PIWIL2: variants seen among roughly 807,000 people sequenced by gnomAD.
The protein encoded by PIWIL2 is piwi-like protein 2.
Under a neutral mutation model 116.5 loss-of-function variants are expected in PIWIL2, and 81 were observed. The ratio of observed to expected loss-of-function variants is 0.70; its 90% CI spans 0.58 to 0.84. PIWIL2 has a LOEUF of 0.84. Ranked by LOEUF, PIWIL2 falls within the 40% of genes least tolerant of loss-of-function variation. PIWIL2 has a pLI of 0.00. For missense variants in PIWIL2, 1,272 were observed against 1,212.3 expected, an observed-to-expected ratio of 1.05 and a Z score of -0.73; for synonymous variants, 489 against 429.5, an observed-to-expected ratio of 1.14 and a Z score of -1.71.
chr8:22,281,324 T>C (rs1830494452), intron 3 of PIWIL2, 53 bp from the exon 4 acceptor site: 2 of 1,576,202 alleles, frequency 1.3e-6, no homozygotes, highest in African/African-American at 1.4e-5. Context: ...AAAACTATAC[T>C]TTAAAACACG....
chr8:22,298,521 G>A (rs1830968172), intron 10 of PIWIL2, among the ~76,000 whole-genome samples: 1 of 152,196 alleles, frequency 6.6e-6, no homozygotes, highest in African/African-American at 2.4e-5. Flanking sequence ...TCAGATGGTT[G>A]TTGGGATTGA....
chr8:22,297,069 G>A (rs1328430630), intron 10 of PIWIL2, among the ~76,000 whole-genome samples: 1 of 151,768 alleles, frequency 6.6e-6, no homozygotes, highest in Non-Finnish European at 1.5e-5. Context: ...ACTCACTGCA[G>A]CCTCAAACTC....
chr8:22,355,275 CTATTG>C lies in PIWIL2; in HGVS notation c.2766-63_2766-59del, dbSNP rs1018098859. On this transcript the variant is annotated intron_variant, in intron 22 of 22. Coordinates refer to ENST00000356766, the MANE Select transcript of PIWIL2 (RefSeq NM_018068.5). The stretch of plus-strand genomic sequence containing the variant: ...TGTGCTCTGTGTCATATCCCCGTGA[CTATTG>C]TATTGTATTGCATGCCACAAATTGA... 46 of 1,444,804 alleles carry C rather than the reference CTATTG, an allele frequency of 3.2e-5. 1 individual carries two copies. In the African/African-American group the frequency reaches 4.6e-4, roughly 14 times the overall value. The allele number at this position is 1,444,804 out of a possible 1,614,324, so 89.5% of individuals were successfully genotyped here.
chr8:22,303,544 G>A (rs956820604), intron 10 of PIWIL2, among the ~76,000 whole-genome samples: 2 of 151,914 alleles, frequency 1.3e-5, no homozygotes, highest in African/African-American at 2.4e-5. Context: ...TACAAGGTAC[G>A]CCACTACACC....
intron 20 of PIWIL2, among the ~76,000 whole-genome samples, chr8:22,346,907 C>T (rs1411566475): frequency 6.6e-6 from 1 of 151,862 alleles, no homozygotes; most frequent in Middle Eastern, 3.2e-3. Context: ...TGGGCATAGC[C>T]GCTCGTGGCT....
At chr8:22,296,579 A>T (rs1830912735) in intron 10 of PIWIL2, among the ~76,000 whole-genome samples, 1 of 152,208 alleles carries the variant, frequency 6.6e-6, no homozygotes, top group African/African-American at 2.4e-5. Context: ...GTTTGGAGAT[A>T]CTTTACCCTG....
In PIWIL2 at chr8:22,311,118, A is replaced by T; in HGVS notation, c.1807A>T (p.Met603Leu). ...AGCTCTTGGTTGTTCCTAGATCCCC[A>T]TGCATTTCTGGGCACTTTTTTACCC... ...TRDPSILTIPMHFWALFYPKR... is the reference protein window; with the variant it reads ...TRDPSILTIPLHFWALFYPKR... The change falls in exon 16 of 23, where the codon ATG (methionine) becomes TTG (leucine). Residue 603 changes from methionine (M) to leucine (L), a missense_variant. Coordinates refer to ENST00000356766, the MANE Select transcript of PIWIL2 (RefSeq NM_018068.5). 1 of 1,609,494 alleles carries T rather than the reference A, an allele frequency of 6.2e-7. No homozygotes were observed. Among genetic ancestry groups the T allele is most frequent in the Non-Finnish European group, 8.5e-7 (1 of 1,177,816 alleles).
chr8:22,296,532 A>G (rs1194591403), intron 10 of PIWIL2, among the ~76,000 whole-genome samples: 1 of 152,184 alleles, frequency 6.6e-6, no homozygotes, highest in Non-Finnish European at 1.5e-5. Context: ...GTAGTTGTCT[A>G]GTTTGATTGG....
chr8:22,346,634 C>T (rs1832233544), intron 20 of PIWIL2, among the ~76,000 whole-genome samples: 1 of 152,010 alleles, frequency 6.6e-6, no homozygotes, highest in African/African-American at 2.4e-5. Flanking sequence ...GATATTAGGG[C>T]CCCTTTATAT....
chr8:22,278,259 AC>A lies in PIWIL2; in HGVS notation c.-46-1080del, dbSNP rs567020200. ...GCCTTAGCCAGGTGCAGTGGCTCAC[AC>A]CTATTATCCCAGCATTTTGGGATGC... On this transcript the variant is annotated intron_variant, in intron 1 of 22. Coordinates refer to ENST00000356766, the MANE Select transcript of PIWIL2 (RefSeq NM_018068.5). Among the ~76,000 whole-genome samples the A allele has an allele frequency of 4.2e-3, 643 of 152,248 alleles. 5 individuals carry two copies. Among genetic ancestry groups the A allele is most frequent in the African/African-American group, 0.015 (623 of 41,532 alleles).
At chr8:22,296,852 G>A (rs1437387858) in intron 10 of PIWIL2, among the ~76,000 whole-genome samples, 3 of 152,054 alleles carry the variant, frequency 2.0e-5, no homozygotes, top group South Asian at 2.1e-4. Context: ...CTTTAGTGTG[G>A]ACTCTGCTGG....
intron 20 of PIWIL2, among the ~76,000 whole-genome samples, chr8:22,348,548 T>G (rs1264796422): frequency 1.3e-5 from 2 of 152,052 alleles, no homozygotes; most frequent in Non-Finnish European, 2.9e-5. Context: ...ACTGAAGTGG[T>G]TTTTATAACA....
chr8:22,349,282 C>T (rs1046373633), intron 20 of PIWIL2, among the ~76,000 whole-genome samples: 2 of 151,238 alleles, frequency 1.3e-5, no homozygotes, highest in Admixed American at 6.6e-5. Flanking sequence ...GCTGGGATTA[C>T]GGGCGTGAGC....
chr8:22,281,334 G>C, intron 3 of PIWIL2, 43 bp from the exon 4 acceptor site: 1 of 1,586,182 alleles, frequency 6.3e-7, no homozygotes, highest in Non-Finnish European at 8.5e-7. Context: ...TTTAAAACAC[G>C]TTTAAGTCAT....
At chr8:22,332,548 T>C (rs1459405837) in intron 20 of PIWIL2, among the ~76,000 whole-genome samples, 1 of 151,926 alleles carries the variant, frequency 6.6e-6, no homozygotes, top group Non-Finnish European at 1.5e-5. Context: ...ATTATAACAC[T>C]GTTGAGGGTA....
intron 22 of PIWIL2, among the ~76,000 whole-genome samples, chr8:22,354,730 C>T (rs1832451273): frequency 5.9e-5 from 9 of 152,152 alleles, no homozygotes; most frequent in Admixed American, 5.9e-4. Context: ...CTTTCTCCAG[C>T]CTTTTCTTGT....
intron 20 of PIWIL2, among the ~76,000 whole-genome samples, chr8:22,320,647 A>G (rs1411664907): frequency 4.0e-5 from 6 of 150,224 alleles, no homozygotes; most frequent in Non-Finnish European, 7.4e-5. Flanking sequence ...CTGAAGTGCA[A>G]TGGCACAATC....
rs1832442072 is a variant in PIWIL2, at chr8:22,354,333, T to C, written c.2720T>C (p.Val907Ala). The C allele has an allele frequency of 6.2e-7, 1 of 1,613,808 alleles. No individual in the cohort carries two copies. The highest frequency in any genetic ancestry group is 1.1e-5 in the South Asian group (1 of 91,072). The change falls in exon 22 of 23, where the codon GTC (valine) becomes GCC (alanine). Residue 907 changes from valine (V) to alanine (A), a missense_variant. Physicochemically the swap from Val to Ala is moderately conservative, Grantham distance 64. Transcript: ENST00000356766. Reference sequence around the variant, plus strand: ...GGCTGTGGCATTCCTACGCATTATGTCTGTGTTCTCAACACCGCAAACCTG... The same window carrying C: ...GGCTGTGGCATTCCTACGCATTATGCCTGTGTTCTCAACACCGCAAACCTG... ...RQGCGIPTHY[V>A]CVLNTANLSP...
chr8:22,321,841 C>A (rs984938466), intron 20 of PIWIL2: 12 of 984,360 alleles, frequency 1.2e-5, no homozygotes, highest in Admixed American at 6.1e-5. Context: ...AATATCTTCC[C>A]CTAGGAATGG....
Sources: gnomAD v4.1 joint callset for allele counts (sites outside exome capture counted in the v4.1 genomes callset) on GRCh38, gnomAD v4.1.1 for gene constraint, MANE v1.5 for transcripts, NCBI Gene and HGNC (gene_info 2026-07-23, HGNC 2026-07-21) for gene names.